Variants in ATXN7 observed in about 807,000 individuals in gnomAD.
The protein encoded by ATXN7 is ataxin-7.
ATXN7 carries 12 observed loss-of-function variants against 70.5 expected under a neutral mutation model. That is an observed-to-expected ratio of 0.17 (90% CI 0.11 to 0.28). The LOEUF is 0.28. Ranked by LOEUF, ATXN7 falls within the 10% of genes least tolerant of loss-of-function variation. The pLI is 1.00. For missense variants in ATXN7, 1,256 were observed against 1,131.7 expected (o/e 1.11, Z -1.58); for synonymous variants, 498 against 448.7 (o/e 1.11, Z -1.39).
chr3:64,000,960 C>G lies in ATXN7; in HGVS notation c.*1493C>G, dbSNP rs912838457. 2 of 152,052 alleles carry G rather than the reference C, an allele frequency of 1.3e-5. No individual in the cohort carries two copies. Among genetic ancestry groups the G allele is most frequent in the African/African-American group, 4.8e-5 (2 of 41,376 alleles). 9.4% of individuals were successfully genotyped at this position (152,052 alleles called of 1,614,324 possible). A position where few individuals can be genotyped will look rare whatever the true frequency, so the allele number is the denominator to read the frequency against. On this transcript the variant is annotated 3_prime_UTR_variant, in exon 13 of 13. Coordinates refer to ENST00000674280, the MANE Select transcript of ATXN7 (RefSeq NM_001377405.1). ...AGGCACTGTTGCTTAGAAGAACACA[C>G]GAAGTTGCCGAACACAGGGTAAAAT...
At chr3:63,974,029 T>G (rs542259915) in intron 5 of ATXN7, among the ~76,000 whole-genome samples, 3 of 152,262 alleles carry the variant, frequency 2.0e-5, no homozygotes, top group Middle Eastern at 3.4e-3. Flanking sequence ...GGATTTAACC[T>G]GTAGCTTGGT....
At position 64,001,558 on chromosome 3, in the gene ATXN7, G is replaced by A. The variant is rs1217070094; in HGVS notation, c.*2091G>A. ...GATCGATCATGTTGTTCCGAAAGATGTGAATAGGATCCACAATAACAAGTT... is the reference window on the plus strand; with the variant it reads ...GATCGATCATGTTGTTCCGAAAGATATGAATAGGATCCACAATAACAAGTT... On this transcript the variant is annotated 3_prime_UTR_variant, in exon 13 of 13. Coordinates refer to ENST00000674280, the MANE Select transcript of ATXN7 (RefSeq NM_001377405.1). 1 of 152,238 alleles carries A rather than the reference G, an allele frequency of 6.6e-6. No homozygotes were observed. Among genetic ancestry groups the A allele is most frequent in the Non-Finnish European group, 1.5e-5 (1 of 68,034 alleles). 9.4% of individuals were successfully genotyped at this position (152,238 alleles called of 1,614,324 possible).
chr3:63,912,230 C>G (rs1704049076), intron 2 of ATXN7: 1 of 152,006 alleles, frequency 6.6e-6, no homozygotes. Flanking sequence ...CCCGCGCGGG[C>G]TGCCATGGTG....
intron 4 of ATXN7, 109 bp downstream of exon 4, chr3:63,913,334 T>A: frequency 8.5e-7 from 1 of 1,179,956 alleles, no homozygotes; most frequent in South Asian, 1.4e-5. Context: ...CGACTCCCCG[T>A]GCCTGCGAAG....
intron 5 of ATXN7, among the ~76,000 whole-genome samples, chr3:63,952,748 A>G (rs1249558536): frequency 6.6e-6 from 1 of 150,650 alleles, no homozygotes; most frequent in Admixed American, 6.6e-5. Context: ...CATCAGTATA[A>G]TTACAAGTTT....
chr3:63,957,863 C>G (rs2075064107), intron 5 of ATXN7, among the ~76,000 whole-genome samples: 1 of 152,236 alleles, frequency 6.6e-6, no homozygotes, highest in Non-Finnish European at 1.5e-5. Flanking sequence ...GAGCTATCTA[C>G]TGAGGCCAGC....
At chr3:63,977,834 G>A (rs561314897) in intron 5 of ATXN7, among the ~76,000 whole-genome samples, 81 of 152,316 alleles carry the variant, frequency 5.3e-4, no homozygotes, top group African/African-American at 1.8e-3. Flanking sequence ...ATTAGAGTAA[G>A]GAGGAGGAGA....
intron 1 of ATXN7, among the ~76,000 whole-genome samples, chr3:63,865,571 A>G (rs1341903961): frequency 1.3e-5 from 2 of 152,154 alleles, no homozygotes; most frequent in African/African-American, 4.8e-5. Flanking sequence ...ACCAAGTTGC[A>G]TTTTGGTGGG....
At chr3:63,885,159 A>G (rs1703050885) in intron 1 of ATXN7, among the ~76,000 whole-genome samples, 1 of 152,254 alleles carries the variant, frequency 6.6e-6, no homozygotes, top group Non-Finnish European at 1.5e-5. Context: ...CAAAGGAAAT[A>G]GTCAACAGAG....
At chr3:63,872,810 G>T (rs563761611) in intron 1 of ATXN7, among the ~76,000 whole-genome samples, 14 of 152,302 alleles carry the variant, frequency 9.2e-5, no homozygotes, top group Middle Eastern at 6.8e-3. Flanking sequence ...ATGGTTTCCT[G>T]TGTTACCTCT....
chr3:63,901,438 C>A (rs977958988), intron 2 of ATXN7: 1 of 152,182 alleles, frequency 6.6e-6, no homozygotes, highest in Non-Finnish European at 1.5e-5. Flanking sequence ...CTGGTAACCA[C>A]CATTCTATTC....
chr3:63,885,671 C>T (rs1413571559), intron 1 of ATXN7, among the ~76,000 whole-genome samples: 1 of 152,110 alleles, frequency 6.6e-6, no homozygotes, highest in Non-Finnish European at 1.5e-5. Flanking sequence ...TCACAATAGC[C>T]AAGATATGGA....
intron 3 of ATXN7, 46 bp downstream of exon 3, chr3:63,912,969 C>G (rs1704110067): frequency 6.9e-7 from 1 of 1,442,746 alleles, no homozygotes; most frequent in East Asian, 2.7e-5. Context: ...TCGCGACCCC[C>G]TCCTCTCTCC....
chr3:63,883,552 C>A (rs975175646), intron 1 of ATXN7, among the ~76,000 whole-genome samples: 3 of 150,264 alleles, frequency 2.0e-5, no homozygotes, highest in South Asian at 2.1e-4. Context: ...AAAAAAAAAA[C>A]AAACTAGTTG....
At chr3:63,876,136 T>G (rs774480287) in intron 1 of ATXN7, among the ~76,000 whole-genome samples, 7 of 152,242 alleles carry the variant, frequency 4.6e-5, no homozygotes, top group Non-Finnish European at 1.0e-4. Flanking sequence ...TTGTAGATAC[T>G]GTGAGCCTTT....
intron 1 of ATXN7, among the ~76,000 whole-genome samples, chr3:63,895,426 G>A (rs1380485032): frequency 6.6e-6 from 1 of 152,266 alleles, no homozygotes; most frequent in Non-Finnish European, 1.5e-5. Context: ...GCCTTCTGCA[G>A]TATATTCTTT....
chr3:63,970,838 C>T (rs1041815196), intron 5 of ATXN7, among the ~76,000 whole-genome samples: 2 of 152,088 alleles, frequency 1.3e-5, no homozygotes, highest in African/African-American at 2.4e-5. Flanking sequence ...CTGCAGTGCG[C>T]GCTCTGCCCA....
chr3:63,980,909 C>G (rs925940748), intron 6 of ATXN7, among the ~76,000 whole-genome samples: 1 of 152,138 alleles, frequency 6.6e-6, no homozygotes, highest in Non-Finnish European at 1.5e-5. Context: ...TCACACCTGC[C>G]AGGCATGGCT....
rs1326557212 is a variant in ATXN7, at chr3:63,952,460, C to A, written c.476C>A (p.Pro159Gln). ...AACGACTGTAATCAGGTTGTCAAAC[C>A]GCAGGCATTTCAATCACATTATGGT... Reference protein sequence around the residue: ...VCNDCNQVVKPQAFQSHYERR... With the variant: ...VCNDCNQVVKQQAFQSHYERR... Residue 159 changes from proline to glutamine, a missense_variant, in exon 5 of 13, where the codon CCG becomes CAG. By Grantham distance (76) the Pro-to-Gln change is moderately conservative (BLOSUM62 -1). Transcript: ENST00000674280. The A allele has an allele frequency of 6.2e-7, 1 of 1,610,464 alleles. No homozygotes were observed. The highest frequency in any genetic ancestry group is 1.3e-5 in the African/African-American group (1 of 74,744).
Sources: gnomAD v4.1 joint callset for allele counts (sites outside exome capture counted in the v4.1 genomes callset) on GRCh38, gnomAD v4.1.1 for gene constraint, MANE v1.5 for transcripts, NCBI Gene and HGNC (gene_info 2026-07-23, HGNC 2026-07-21) for gene names.